Variants in MAP2K4 observed in about 807,000 individuals in gnomAD.
MAP2K4 encodes the protein dual specificity mitogen-activated protein kinase kinase 4.
A neutral mutation model predicts 48.5 loss-of-function variants in MAP2K4; 4 were observed. The observed-to-expected ratio is 0.08, with a 90% CI of 0.04 to 0.19. The LOEUF is 0.19. Ranked by LOEUF, MAP2K4 falls within the 10% of genes least tolerant of loss-of-function variation. The pLI, the probability that MAP2K4 is intolerant of heterozygous loss-of-function variation, is 1.00. For synonymous variants in MAP2K4, 166 were observed against 173.1 expected, an observed-to-expected ratio of 0.96 and a Z score of 0.32; for missense variants, 258 against 493.3, an observed-to-expected ratio of 0.52 and a Z score of 4.52.
intron 3 of MAP2K4, among the ~76,000 whole-genome samples, chr17:12,082,478 C>T (rs1971225509): frequency 6.6e-6 from 1 of 152,130 alleles, no homozygotes; most frequent in African/African-American, 2.4e-5. Flanking sequence ...AATCATCTTC[C>T]TATTAGTGTC....
intron 3 of MAP2K4, among the ~76,000 whole-genome samples, chr17:12,089,125 G>A (rs979571225): frequency 1.2e-4 from 19 of 152,098 alleles, no homozygotes; most frequent in East Asian, 5.8e-4. Flanking sequence ...TGTTAGCCAG[G>A]ATGGTTTCGA....
At chr17:12,109,659 A>G (rs1005878563) in intron 5 of MAP2K4, among the ~76,000 whole-genome samples, 1 of 152,228 alleles carries the variant, frequency 6.6e-6, no homozygotes, top group African/African-American at 2.4e-5. Context: ...CTCTTCAAAC[A>G]TCACCTTGAA....
chr17:12,080,178 G>A (rs908902375), intron 2 of MAP2K4, among the ~76,000 whole-genome samples: 3 of 152,182 alleles, frequency 2.0e-5, no homozygotes, highest in African/African-American at 7.2e-5. Context: ...CTTAAAGGTT[G>A]CTACAGAAAA....
At chr17:12,112,420 A>C (rs1022859014) in intron 6 of MAP2K4, among the ~76,000 whole-genome samples, 9 of 144,578 alleles carry the variant, frequency 6.2e-5, no homozygotes, top group Non-Finnish European at 1.2e-4. Context: ...TGGGGATTGC[A>C]CCACTGCATT....
chr17:12,088,475 T>TTATAC (rs376296786), intron 3 of MAP2K4, among the ~76,000 whole-genome samples: 3 of 128,776 alleles, frequency 2.3e-5, no homozygotes, highest in East Asian at 2.2e-4. Context: ...ATATTAAATA[T>TTATAC]AATATTAAAT....
At chr17:12,062,889 C>G (rs928014080) in intron 2 of MAP2K4, among the ~76,000 whole-genome samples, 2 of 151,830 alleles carry the variant, frequency 1.3e-5, no homozygotes, top group Non-Finnish European at 2.9e-5. Context: ...TCTTCCCCCC[C>G]ACCTCCCCTC....
intron 4 of MAP2K4, among the ~76,000 whole-genome samples, chr17:12,096,389 C>T (rs959712362): frequency 1.3e-5 from 2 of 152,136 alleles, no homozygotes; most frequent in Non-Finnish European, 2.9e-5. Context: ...CATTTCCAGT[C>T]ATCCAGCTGC....
chr17:12,135,724 A>G (rs149170754), intron 9 of MAP2K4, among the ~76,000 whole-genome samples: 53 of 151,504 alleles, frequency 3.5e-4, no homozygotes, highest in African/African-American at 1.3e-3. Context: ...TAATTTTTGT[A>G]TTTTTAGTAC....
intron 7 of MAP2K4, chr17:12,115,531 G>T: frequency 2.0e-6 from 1 of 508,132 alleles, no homozygotes; most frequent in Non-Finnish European, 3.5e-6. Context: ...AGGTAGAGGT[G>T]ACGGGCCGGA....
At chr17:12,077,738 A>G (rs1971060306) in intron 2 of MAP2K4, among the ~76,000 whole-genome samples, 4 of 152,200 alleles carry the variant, frequency 2.6e-5, no homozygotes, top group Admixed American at 2.6e-4. Context: ...AATGTTGGTG[A>G]CTTAGCTTGG....
chr17:12,036,142 T>A (rs1969590991), intron 1 of MAP2K4, among the ~76,000 whole-genome samples: 1 of 152,222 alleles, frequency 6.6e-6, no homozygotes, highest in South Asian at 2.1e-4. Flanking sequence ...AATATAAGTT[T>A]ATTTTAGATA....
rs1973409894 is a variant in MAP2K4, at chr17:12,142,740, G to A, written c.*1480G>A. On this transcript the variant is annotated 3_prime_UTR_variant, in exon 11 of 11. Coordinates refer to ENST00000353533, the MANE Select transcript of MAP2K4 (RefSeq NM_003010.4). ...AGCACTGTTACAAGAGGCCATTTAA[G>A]TATCTTGTGCTTCTTCACTTACCCA... The A allele has an allele frequency of 4.3e-6, 1 of 232,910 alleles. No homozygotes were observed. Among genetic ancestry groups the A allele is most frequent in the African/African-American group, 2.2e-5 (1 of 45,330 alleles). The allele number at this position is 232,910 out of a possible 1,614,324, so 14.4% of individuals were successfully genotyped here.
chr17:12,049,439 T>G (rs1157057482), intron 1 of MAP2K4, among the ~76,000 whole-genome samples: 1 of 152,236 alleles, frequency 6.6e-6, no homozygotes, highest in Non-Finnish European at 1.5e-5. Flanking sequence ...CTGGCTCCTT[T>G]CGCATGTGAG....
At chr17:12,091,749 T>C (rs555169122) in intron 3 of MAP2K4, among the ~76,000 whole-genome samples, 26 of 152,284 alleles carry the variant, frequency 1.7e-4, no homozygotes, top group African/African-American at 5.8e-4. Context: ...ATATGCAATC[T>C]TGAATACAGA....
chr17:12,096,845 A>G (rs1247641972), intron 4 of MAP2K4, among the ~76,000 whole-genome samples: 1 of 152,184 alleles, frequency 6.6e-6, no homozygotes, highest in Non-Finnish European at 1.5e-5. Context: ...GTAACTAGTA[A>G]CAACACATTC....
In MAP2K4 at chr17:12,020,927, G is replaced by C. The variant is rs1969008903; in HGVS notation, c.41G>C (p.Gly14Ala). Reference protein sequence around the residue: ...PSPSGGGGSGGGSGSGTPGPV... With the variant: ...PSPSGGGGSGAGSGSGTPGPV... ...CCGAGCGGCGGCGGCGGCTCCGGGGGCGGCAGCGGCAGCGGCACCCCCGGC... is the reference window on the plus strand; with the variant it reads ...CCGAGCGGCGGCGGCGGCTCCGGGGCCGGCAGCGGCAGCGGCACCCCCGGC... Residue 14 changes from glycine (G) to alanine (A), a missense_variant, in exon 1 of 11, where the codon GGC becomes GCC. By Grantham distance (60) the Gly-to-Ala change is moderately conservative. This residue lies in a region of MAP2K4 where 69 missense variants were observed against 56.2 expected (regional missense o/e 1.23). Coordinates refer to ENST00000353533, the MANE Select transcript of MAP2K4 (RefSeq NM_003010.4). 8.2e-7 allele frequency: 1 copy of C among 1,217,588 alleles called. No homozygotes were observed. The highest frequency in any genetic ancestry group is 1.0e-6 in the Non-Finnish European group (1 of 978,956). The allele number at this position is 1,217,588 out of a possible 1,614,324, so 75.4% of individuals were successfully genotyped here. A position where few individuals can be genotyped will look rare whatever the true frequency, so the allele number is the denominator to read the frequency against.
intron 4 of MAP2K4, among the ~76,000 whole-genome samples, chr17:12,105,421 T>C (rs1020389956): frequency 2.6e-5 from 4 of 152,212 alleles, no homozygotes; most frequent in South Asian, 2.1e-4. Flanking sequence ...TATATTTTTA[T>C]TGAGAATGAT....
rs1973430506 is a variant in MAP2K4, at chr17:12,143,198, G to C, written c.*1938G>C. The C allele has an allele frequency of 4.3e-6, 1 of 232,970 alleles. No homozygotes were observed. Among genetic ancestry groups the C allele is most frequent in the African/African-American group, 2.2e-5 (1 of 45,280 alleles). 14.4% of individuals were successfully genotyped at this position (232,970 alleles called of 1,614,324 possible). ...GCTCCCGGGGACTCAAGAGGAATCT[G>C]TTTCTCTGCTGTCAACTTCCCATCT... On this transcript the variant is annotated 3_prime_UTR_variant, in exon 11 of 11. Transcript: ENST00000353533.
chr17:12,093,233 A>C (rs1971619534), intron 3 of MAP2K4, among the ~76,000 whole-genome samples: 1 of 152,220 alleles, frequency 6.6e-6, no homozygotes, highest in African/African-American at 2.4e-5. Flanking sequence ...AGTGACATTA[A>C]AGAATACTTA....
Sources: gnomAD v4.1 joint callset for allele counts (sites outside exome capture counted in the v4.1 genomes callset) on GRCh38, gnomAD v4.1.1 for gene constraint, gnomAD v4.1.1 regional missense constraint, MANE v1.5 for transcripts, NCBI Gene and HGNC (gene_info 2026-07-23, HGNC 2026-07-21) for gene names.